Variants in ZNF512B observed in about 807,000 individuals in gnomAD.
ZNF512B encodes the protein zinc finger protein 512B.
A neutral mutation model predicts 87.8 loss-of-function variants in ZNF512B; 22 were observed. That is an observed-to-expected ratio of 0.25 (90% CI 0.18 to 0.36). The LOEUF (loss-of-function observed/expected upper bound fraction) is 0.36. Ranked by LOEUF, ZNF512B falls within the 10% of genes least tolerant of loss-of-function variation. The pLI is 1.00. For synonymous variants in ZNF512B, 524 were observed against 490.9 expected (o/e 1.07, Z -0.89); for missense variants, 1,060 against 1,231.6 (o/e 0.86, Z 2.09).
chr20:63,960,205 C>T, intron 16 of ZNF512B, 66 bp from the exon 17 acceptor site: 5 of 1,589,524 alleles, frequency 3.1e-6, no homozygotes, highest in Middle Eastern at 1.7e-4. Context: ...CAGGCATAGC[C>T]TGAGAGCTGA....
Position 63,964,515 on chromosome 20 carries a change from C to T in ZNF512B, c.1236G>A (p.Glu412=). Residue 412 remains glutamate, a synonymous_variant, in exon 6 of 17, where the codon GAG becomes GAA. Transcript: ENST00000369888. ...LKAAGPASPP[E]EDPERTKHRR... ...TGTGCTTTGTGCGCTCCGGGTCCTC[C>T]TCAGGCGGGGACGCAGGGCCTGCAG... 4.3e-6 allele frequency: 7 copies of T among 1,612,852 alleles called. No homozygotes were observed. Among genetic ancestry groups the T allele is most frequent in the Non-Finnish European group, 5.9e-6 (7 of 1,179,892 alleles).
Position 63,959,720 on chromosome 20 carries a change from G to A in ZNF512B, c.*168C>T. 1 of 1,103,442 alleles carries A rather than the reference G, an allele frequency of 9.1e-7. No homozygotes were observed. 68.4% of individuals were successfully genotyped at this position (1,103,442 alleles called of 1,614,324 possible). ...GTGTGCCCTGTGGCAGCCTTAACAG[G>A]GGAAGGGCCACCTTCAGGGAAGGGA... On this transcript the variant is annotated 3_prime_UTR_variant, in exon 17 of 17. Coordinates refer to ENST00000369888, the MANE Select transcript of ZNF512B (RefSeq NM_020713.3).
At position 63,962,762 on chromosome 20, in the gene ZNF512B, T is replaced by C. The variant is rs1182746385; in HGVS notation, c.1988A>G (p.Asp663Gly). The C allele has an allele frequency of 6.2e-7, 1 of 1,600,468 alleles. No individual in the cohort carries two copies. The highest frequency in any genetic ancestry group is 1.3e-5 in the African/African-American group (1 of 74,710). ...HTAPPPEEPT[D>G]KSPEAEDPLG... ...CGGGTCCTCAGCCTCAGGGGACTTG[T>C]CTGTGGGCTCCTCAGGGGGCTGGAG... Residue 663 changes from aspartate to glycine, a missense_variant, in exon 13 of 17, where the codon GAC becomes GGC. Physicochemically the swap from Asp to Gly is moderately conservative, Grantham distance 94. Around this residue, in one of 9 missense-constraint regions of ZNF512B, gnomAD observed 165 missense variants for 173.0 expected, o/e 0.95. Coordinates refer to ENST00000369888, the MANE Select transcript of ZNF512B (RefSeq NM_020713.3).
In ZNF512B at chr20:63,967,009, G is replaced by A. The variant is rs1377307631; in HGVS notation, c.265-5C>T. ...CCAGTCGTTCATCAGGGAGAGCTAG[G>A]CGTGGGGAAAGGTGGTGCTGCTGAC... is the stretch of plus-strand genomic sequence containing the variant. On this transcript the variant is annotated splice_region_variant and splice_polypyrimidine_tract_variant and intron_variant, in intron 3 of 16. Coordinates refer to ENST00000369888, the MANE Select transcript of ZNF512B (RefSeq NM_020713.3). The A allele has an allele frequency of 5.0e-6, 8 of 1,613,270 alleles. No individual in the cohort carries two copies. The highest frequency in any genetic ancestry group is 3.3e-5 in the Admixed American group (2 of 60,024).
At chr20:63,969,149 A>G (rs2058955713) in intron 1 of ZNF512B, 3 of 985,340 alleles carry the variant, frequency 3.0e-6, no homozygotes, top group South Asian at 9.4e-5. Context: ...TTGAAAGGAG[A>G]CAGGGCCGGC....
At chr20:63,967,574 A>G (rs781699854) in intron 2 of ZNF512B, 51 bp from the exon 3 acceptor site, 1 of 1,535,682 alleles carries the variant, frequency 6.5e-7, no homozygotes, top group Admixed American at 1.9e-5. Flanking sequence ...ACCGCCTACC[A>G]CCGGCGGCTG....
chr20:63,967,243 C>T (rs532970601), intron 3 of ZNF512B, 138 bp downstream of exon 3: 17 of 1,376,642 alleles, frequency 1.2e-5, no homozygotes, highest in African/African-American at 1.5e-5. Flanking sequence ...AGCCAGGCCA[C>T]GTGAAGTCTG....
rs929901612 is a variant in ZNF512B, at chr20:63,961,693, C to T, written c.2328+249G>A. On this transcript the variant is annotated intron_variant, in intron 15 of 16. Transcript: ENST00000369888. This position sits in a 1 kb window ranked among gnomAD's most constrained non-coding sequence, Gnocchi z 6.4. ...GCGTGGGTCGGGGTGCCCACCCATG[C>T]CTACATGGACGCAGAGCTCCAAGGA... Among the ~76,000 whole-genome samples, 1 of 152,150 alleles carries T rather than the reference C, an allele frequency of 6.6e-6. No homozygotes were observed. The highest frequency in any genetic ancestry group is 1.5e-5 in the Non-Finnish European group (1 of 68,022).
chr20:63,963,786 T>C lies in ZNF512B; in HGVS notation c.1605+3A>G, dbSNP rs2058886626. The C allele has an allele frequency of 1.2e-6, 2 of 1,612,970 alleles. No homozygotes were observed. The highest frequency in any genetic ancestry group is 1.3e-5 in the African/African-American group (1 of 75,064). The stretch of plus-strand genomic sequence containing the variant: ...TCCCAGCGCCTTCCGGGAGCTGCCT[T>C]ACCTTCTGACACACCTCCATGTGCT... On this transcript the variant is annotated splice_donor_region_variant and intron_variant, in intron 9 of 16. Coordinates refer to ENST00000369888, the MANE Select transcript of ZNF512B (RefSeq NM_020713.3).
At chr20:63,967,028 T>G in intron 3 of ZNF512B, 24 bp from the exon 4 acceptor site, 1 of 1,612,236 alleles carries the variant, frequency 6.2e-7, no homozygotes, top group Non-Finnish European at 8.5e-7. Context: ...AAGGTGGTGC[T>G]GCTGACCCGC....
At chr20:63,968,395 G>A (rs2058949301) in intron 1 of ZNF512B, among the ~76,000 whole-genome samples, 1 of 152,180 alleles carries the variant, frequency 6.6e-6, no homozygotes, top group South Asian at 2.1e-4. Context: ...TTCCTCCAGG[G>A]GCCAATTATG....
At position 63,963,418 on chromosome 20, in the gene ZNF512B, T is replaced by A. The variant is rs1365682494; in HGVS notation, c.1721A>T (p.Glu574Val). The A allele has an allele frequency of 2.6e-6, 4 of 1,548,208 alleles. No homozygotes were observed. Among genetic ancestry groups the A allele is most frequent in the Non-Finnish European group, 3.5e-6 (4 of 1,151,636 alleles). ...CTCGCGCTCCTCCTGCTCGCCCCCT[T>A]CGGAGGCCTCGGCGTCAGAGGGCTG... The part of the protein sequence containing the change: ...SAKPSDAEAS[E>V]GGEQEERERL... The change falls in exon 11 of 17, where the codon GAA becomes GTA. Residue 574 changes from glutamate (E) to valine (V), a missense_variant. By Grantham distance (121) the Glu-to-Val change is moderately radical. Transcript: ENST00000369888.
At position 63,961,822 on chromosome 20, in the gene ZNF512B, C is replaced by T. The variant is rs573459456; in HGVS notation, c.2328+120G>A. ...TCTCTGGGTTCGTGGAAGAGGAGGC[C>T]ACGTAGAAAAAGTAGGGGACAAGGC... On this transcript the variant is annotated intron_variant, in intron 15 of 16. Transcript: ENST00000369888. This position sits in a 1 kb window ranked among gnomAD's most constrained non-coding sequence, Gnocchi z 6.4. 1.9e-6 allele frequency: 2 copies of T among 1,058,258 alleles called. No individual in the cohort carries two copies. The highest frequency in any genetic ancestry group is 1.6e-5 in the African/African-American group (1 of 63,444). The allele number at this position is 1,058,258 out of a possible 1,614,324, so 65.6% of individuals were successfully genotyped here. A position where few individuals can be genotyped will look rare whatever the true frequency, so the allele number is the denominator to read the frequency against.
intron 3 of ZNF512B, 31 bp downstream of exon 3, chr20:63,967,350 T>C (rs972052996): frequency 2.6e-6 from 4 of 1,563,936 alleles, no homozygotes; most frequent in South Asian, 1.2e-5. Flanking sequence ...GACCCCAGCA[T>C]GAGCCCCACC....
chr20:63,967,672 T>TG, intron 2 of ZNF512B, 149 bp from the exon 3 acceptor site: 1 of 1,480,510 alleles, frequency 6.8e-7, no homozygotes, highest in South Asian at 1.3e-5. Context: ...CCCAGGACCC[T>TG]GGGCTATGTC....
At chr20:63,968,063 G>A (rs2058946264) in intron 1 of ZNF512B, 111 bp from the exon 2 acceptor site, 1 of 1,358,020 alleles carries the variant, frequency 7.4e-7, no homozygotes, top group South Asian at 1.4e-5. Flanking sequence ...AGGGAAGAGG[G>A]GCCTGCCTTC....
At chr20:63,967,337 G>A (rs1437983760) in intron 3 of ZNF512B, 44 bp downstream of exon 3, 1 of 1,547,388 alleles carries the variant, frequency 6.5e-7, no homozygotes, top group Non-Finnish European at 8.7e-7. Context: ...GGCTGGATAG[G>A]GAGACCCCAG....
rs754372137 is a variant in ZNF512B, at chr20:63,962,569, C to G, written c.2163+18G>C. The stretch of plus-strand genomic sequence containing the variant: ...AGAGGCCACGGCGCTGTCCACAGCC[C>G]TGGGGGGGGCAGCTCACCCGTGCGG... On this transcript the variant is annotated intron_variant, in intron 13 of 16. Transcript: ENST00000369888. 2 of 1,599,060 alleles carry G rather than the reference C, an allele frequency of 1.3e-6. No homozygotes were observed. The highest frequency in any genetic ancestry group is 2.2e-5 in the East Asian group (1 of 44,480).
Position 63,964,071 on chromosome 20 carries a change from C to G in ZNF512B, c.1480G>C (p.Gly494Arg). 6.2e-7 allele frequency: 1 copy of G among 1,607,592 alleles called. No individual in the cohort carries two copies. The highest frequency in any genetic ancestry group is 8.5e-7 in the Non-Finnish European group (1 of 1,179,442). ...APAPVAHPAP[G>R]GPEEQWQRAI... ...TGAGCCCCTGCCAGGCAGCCCCTAC[C>G]TGGAGCTGGGTGGGCCACAGGGGCC... is the stretch of plus-strand genomic sequence containing the variant. The change falls in exon 8 of 17, where the codon GGT becomes CGT. Residue 494 changes from glycine to arginine, a missense_variant and splice_region_variant. Gly to Arg is a moderately radical substitution (Grantham distance 125). Around this residue, in one of 9 missense-constraint regions of ZNF512B, gnomAD observed 212 missense variants for 207.6 expected, o/e 1.02. Coordinates refer to ENST00000369888, the MANE Select transcript of ZNF512B (RefSeq NM_020713.3).
Sources: gnomAD v4.1 joint callset for allele counts (sites outside exome capture counted in the v4.1 genomes callset) on GRCh38, gnomAD v4.1.1 for gene constraint, gnomAD v4.1.1 regional missense constraint, Gnocchi (gnomAD v3.1) non-coding constraint, MANE v1.5 for transcripts, NCBI Gene and HGNC (gene_info 2026-07-23, HGNC 2026-07-21) for gene names.